Variants in FER observed in about 807,000 individuals in gnomAD.
The protein encoded by FER is tyrosine-protein kinase Fer.
Under a neutral mutation model 111.0 loss-of-function variants are expected in FER, and 63 were observed. The ratio of observed to expected loss-of-function variants is 0.57; its 90% CI spans 0.46 to 0.70. FER has a LOEUF of 0.70. Among genes scored for constraint, FER ranks in the 30% least tolerant of loss-of-function variants. The pLI, the probability that FER is intolerant of heterozygous loss-of-function variation, is 0.00. For missense variants in FER, 914 were observed against 954.0 expected, an observed-to-expected ratio of 0.96 and a Z score of 0.55; for synonymous variants, 327 against 313.9, an observed-to-expected ratio of 1.04 and a Z score of -0.44.
intron 13 of FER, among the ~76,000 whole-genome samples, chr5:108,983,018 C>A (rs1323401759): frequency 6.6e-6 from 1 of 151,972 alleles, no homozygotes; most frequent in Non-Finnish European, 1.5e-5. Flanking sequence ...ACACAGTAAA[C>A]CCCATGATGG....
At position 109,189,486 on chromosome 5, in the gene FER, A is replaced by G. The variant is rs967899263; in HGVS notation, c.*1911A>G. On this transcript the variant is annotated 3_prime_UTR_variant, in exon 20 of 20. Transcript: ENST00000281092. ...AAAGTGACTTGTATCTAACATTTCAATCTCCTTGCAGATTTCATACATACT... is the reference window on the plus strand; with the variant it reads ...AAAGTGACTTGTATCTAACATTTCAGTCTCCTTGCAGATTTCATACATACT... 13 of 152,154 alleles carry G rather than the reference A, an allele frequency of 8.5e-5. No homozygotes were observed. Among genetic ancestry groups the G allele is most frequent in the Non-Finnish European group, 1.6e-4 (11 of 68,034 alleles). The allele number at this position is 152,154 out of a possible 1,614,324, so 9.4% of individuals were successfully genotyped here. A position where few individuals can be genotyped will look rare whatever the true frequency, so the allele number is the denominator to read the frequency against.
chr5:108,879,440 C>T (rs1238451626), intron 8 of FER, among the ~76,000 whole-genome samples: 1 of 151,652 alleles, frequency 6.6e-6, no homozygotes, highest in Non-Finnish European at 1.5e-5. Flanking sequence ...TATTCCCCTC[C>T]CTGTATCTGT....
chr5:108,894,387 A>G (rs952334297), intron 9 of FER: 1 of 968,366 alleles, frequency 1.0e-6, no homozygotes, highest in Non-Finnish European at 1.4e-6. Flanking sequence ...TGCATCCTGT[A>G]GCAACTGTTT....
intron 16 of FER, among the ~76,000 whole-genome samples, chr5:109,097,356 AC>A (rs1301474921): frequency 1.3e-5 from 2 of 151,914 alleles, no homozygotes; most frequent in Non-Finnish European, 2.9e-5. Flanking sequence ...TGTGCAACAT[AC>A]CCATACAGAA....
At chr5:109,037,369 C>T in intron 13 of FER, 53 bp from the exon 14 acceptor site, 1 of 1,503,018 alleles carries the variant, frequency 6.7e-7, no homozygotes, top group Non-Finnish European at 9.2e-7. Flanking sequence ...AATGCAACTT[C>T]AAGAAGTGTA....
intron 1 of FER, among the ~76,000 whole-genome samples, chr5:108,758,799 A>G (rs1751398114): frequency 6.6e-6 from 1 of 152,156 alleles, no homozygotes; most frequent in South Asian, 2.1e-4. Context: ...TCACTCGAGG[A>G]AGGAGAAGAT....
chr5:109,124,784 C>T (rs776559740), intron 17 of FER, among the ~76,000 whole-genome samples: 10 of 151,986 alleles, frequency 6.6e-5, no homozygotes, highest in Non-Finnish European at 1.2e-4. Context: ...CGGTGGCTCA[C>T]GCCTGTAATC....
chr5:109,165,961 C>T (rs1756513114), intron 17 of FER, among the ~76,000 whole-genome samples: 1 of 151,992 alleles, frequency 6.6e-6, no homozygotes, highest in African/African-American at 2.4e-5. Flanking sequence ...GACCACAAGG[C>T]AGGGGAAAGG....
At chr5:109,099,834 T>A (rs1015650279) in intron 16 of FER, among the ~76,000 whole-genome samples, 4 of 151,578 alleles carry the variant, frequency 2.6e-5, no homozygotes, top group Non-Finnish European at 5.9e-5. Context: ...AAAAATACAT[T>A]CTGGGTCAGT....
intron 9 of FER, among the ~76,000 whole-genome samples, chr5:108,884,733 G>A (rs566738596): frequency 1.6e-4 from 25 of 151,722 alleles, no homozygotes; most frequent in African/African-American, 5.6e-4. Context: ...TACTATCTTT[G>A]CTTTCTGTTT....
intron 17 of FER, among the ~76,000 whole-genome samples, chr5:109,124,519 T>C (rs1751414560): frequency 6.6e-6 from 1 of 152,202 alleles, no homozygotes; most frequent in African/African-American, 2.4e-5. Flanking sequence ...AGTTGTTCTT[T>C]GAAGCATAAT....
At chr5:109,040,447 G>T (rs1029718397) in intron 14 of FER, among the ~76,000 whole-genome samples, 4 of 152,130 alleles carry the variant, frequency 2.6e-5, no homozygotes, top group African/African-American at 7.2e-5. Context: ...AAGACAAGAA[G>T]AGAAAGTATA....
chr5:108,817,354 A>C (rs534077587), intron 3 of FER, among the ~76,000 whole-genome samples: 2 of 152,220 alleles, frequency 1.3e-5, no homozygotes, highest in East Asian at 3.9e-4. Flanking sequence ...GACTCCAAAA[A>C]CATTCTTCTT....
intron 5 of FER, among the ~76,000 whole-genome samples, chr5:108,858,437 T>C (rs966067040): frequency 3.9e-5 from 6 of 152,208 alleles, no homozygotes; most frequent in African/African-American, 1.4e-4. Context: ...CAAAGTTACT[T>C]AGTTTTTTAC....
At chr5:109,042,146 G>A (rs1771271264) in intron 14 of FER, among the ~76,000 whole-genome samples, 1 of 152,060 alleles carries the variant, frequency 6.6e-6, no homozygotes, top group Non-Finnish European at 1.5e-5. Context: ...GAATCTGAGG[G>A]GGCTGGAGAG....
At chr5:109,039,208 T>C (rs574589485) in intron 14 of FER, among the ~76,000 whole-genome samples, 2 of 145,272 alleles carry the variant, frequency 1.4e-5, no homozygotes, top group East Asian at 3.9e-4. Flanking sequence ...GCAGGAACGC[T>C]GAGGGTTTTT....
chr5:108,916,367 A>G (rs752491825), intron 10 of FER, among the ~76,000 whole-genome samples: 1 of 152,128 alleles, frequency 6.6e-6, no homozygotes, highest in Non-Finnish European at 1.5e-5. Context: ...GTTGATTCCC[A>G]AAGTTTTTAT....
intron 10 of FER, among the ~76,000 whole-genome samples, chr5:108,944,128 CACACACACACACAA>C (rs1296458575): frequency 4.0e-5 from 6 of 151,846 alleles, no homozygotes; most frequent in Non-Finnish European, 8.8e-5. Flanking sequence ...CACACACACA[CACACACACACACAA>C]ACACACACAC....
At chr5:108,862,919 AC>A (rs1763670311) in intron 5 of FER, among the ~76,000 whole-genome samples, 1 of 152,164 alleles carries the variant, frequency 6.6e-6, no homozygotes, top group Non-Finnish European at 1.5e-5. Context: ...GAGTTAGTGA[AC>A]TTTTACTCTT....
Sources: gnomAD v4.1 joint callset for allele counts (sites outside exome capture counted in the v4.1 genomes callset) on GRCh38, gnomAD v4.1.1 for gene constraint, MANE v1.5 for transcripts, NCBI Gene and HGNC (gene_info 2026-07-23, HGNC 2026-07-21) for gene names.